The following DGKH variants were observed in gnomAD, a reference collection of about 807,000 sequenced individuals.
DGKH encodes the protein diacylglycerol kinase eta.
A neutral mutation model predicts 159.3 loss-of-function variants in DGKH; 90 were observed. That is an observed-to-expected ratio of 0.57 (90% CI 0.48 to 0.67). The LOEUF (loss-of-function observed/expected upper bound fraction) is 0.67, where lower values mean the gene tolerates loss of function less well. DGKH is among the 30% of genes least tolerant of loss of function. The pLI is 0.00. For synonymous variants in DGKH, 536 were observed against 553.8 expected (o/e 0.97, Z 0.45); for missense variants, 1,181 against 1,506.1 (o/e 0.78, Z 3.57).
intron 1 of DGKH, among the ~76,000 whole-genome samples, chr13:42,083,097 A>G (rs1328521495): frequency 6.6e-6 from 1 of 152,262 alleles, no homozygotes; most frequent in Non-Finnish European, 1.5e-5. Context: ...ATGTCAAAAC[A>G]AAAACTGTTA....
chr13:42,081,012 G>T (rs1954189490), intron 1 of DGKH, among the ~76,000 whole-genome samples: 1 of 152,046 alleles, frequency 6.6e-6, no homozygotes, highest in South Asian at 2.1e-4. Flanking sequence ...TAATTTTTAT[G>T]CTTCTTTAGC....
intron 3 of DGKH, chr13:42,138,203 C>T (rs1255383230): frequency 2.6e-6 from 2 of 755,820 alleles, no homozygotes; most frequent in Admixed American, 6.3e-5. Context: ...GCTCTCAGCT[C>T]TTGATGTTTG....
At chr13:42,173,952 TGTGTGTGCGTGC>T in intron 11 of DGKH, 96 bp from the exon 12 acceptor site, 3 of 645,944 alleles carry the variant, frequency 4.6e-6, no homozygotes, top group Non-Finnish European at 2.7e-6. Context: ...TGTGTGTGTG[TGTGTGTGCGTGC>T]GTGTGTGTGT....
chr13:42,202,363 C>G (rs1178193311), intron 20 of DGKH, among the ~76,000 whole-genome samples: 1 of 152,140 alleles, frequency 6.6e-6, no homozygotes, highest in Non-Finnish European at 1.5e-5. Context: ...TTGGGAGGCT[C>G]TTTCCAGAGA....
chr13:42,108,553 T>A (rs1954804753), intron 1 of DGKH, among the ~76,000 whole-genome samples: 2 of 152,214 alleles, frequency 1.3e-5, no homozygotes, highest in South Asian at 4.1e-4. Flanking sequence ...CAGGCCAGTG[T>A]CTTTTCTATT....
At chr13:42,152,933 G>A (rs1298577241) in intron 3 of DGKH, among the ~76,000 whole-genome samples, 1 of 152,170 alleles carries the variant, frequency 6.6e-6, no homozygotes, top group East Asian at 1.9e-4. Context: ...CCCCACGGTA[G>A]CATCTGGGGG....
In DGKH at chr13:42,229,408, A is replaced by G; in HGVS notation, c.*220A>G. On this transcript the variant is annotated 3_prime_UTR_variant, in exon 30 of 30. Coordinates refer to ENST00000337343, the MANE Select transcript of DGKH (RefSeq NM_178009.5). ...CCACAAAGCCATTTTCTTTTTGTGC[A>G]AACCTGACATGTTCAAATATATTCA... The G allele has an allele frequency of 4.2e-6, 2 of 471,224 alleles. No homozygotes were observed. The highest frequency in any genetic ancestry group is 3.7e-6 in the Non-Finnish European group (1 of 268,854). The allele number at this position is 471,224 out of a possible 1,614,324, so 29.2% of individuals were successfully genotyped here. A position where few individuals can be genotyped will look rare whatever the true frequency, so the allele number is the denominator to read the frequency against.
chr13:42,221,011 A>G (rs1957955404), intron 28 of DGKH, among the ~76,000 whole-genome samples: 1 of 152,124 alleles, frequency 6.6e-6, no homozygotes, highest in African/African-American at 2.4e-5. Context: ...GGTGGCTTTA[A>G]TGAGGAAACT....
At chr13:42,217,991 G>C (rs1197656585) in intron 26 of DGKH, among the ~76,000 whole-genome samples, 1 of 152,136 alleles carries the variant, frequency 6.6e-6, no homozygotes, top group Non-Finnish European at 1.5e-5. Flanking sequence ...CTGAGATTGC[G>C]CCATTGCACT....
intron 29 of DGKH, among the ~76,000 whole-genome samples, chr13:42,223,169 A>G (rs976781364): frequency 6.6e-6 from 1 of 152,180 alleles, no homozygotes. Flanking sequence ...ACAAAATCAT[A>G]AAGCTAGAGA....
intron 3 of DGKH, among the ~76,000 whole-genome samples, chr13:42,132,802 T>C (rs1043707170): frequency 6.6e-6 from 1 of 152,076 alleles, no homozygotes; most frequent in Non-Finnish European, 1.5e-5. Flanking sequence ...AGGAGGCTGA[T>C]TGCTTGAGGA....
chr13:42,089,458 G>T (rs1046690184), intron 1 of DGKH, among the ~76,000 whole-genome samples: 1 of 152,122 alleles, frequency 6.6e-6, no homozygotes, highest in Non-Finnish European at 1.5e-5. Flanking sequence ...TAGTTCTGGA[G>T]GTCTGAAGTC....
intron 3 of DGKH, among the ~76,000 whole-genome samples, chr13:42,153,018 G>A (rs1955954009): frequency 6.6e-6 from 1 of 151,830 alleles, no homozygotes; most frequent in South Asian, 2.1e-4. Flanking sequence ...TAATCACAAG[G>A]CCTATAAATC....
chr13:42,223,850 G>C (rs430080), intron 29 of DGKH, among the ~76,000 whole-genome samples: 103,074 of 151,846 alleles, frequency 0.68, 35,198 homozygotes, highest in East Asian at 0.88. Flanking sequence ...TCCATTGCCT[G>C]AATAACATAT....
At chr13:42,143,250 A>G (rs1955620177) in intron 3 of DGKH, among the ~76,000 whole-genome samples, 1 of 152,166 alleles carries the variant, frequency 6.6e-6, no homozygotes, top group African/African-American at 2.4e-5. Context: ...GATGAAGCCC[A>G]CTTGATCATG....
At chr13:42,056,105 A>G (rs768958468) in intron 1 of DGKH, among the ~76,000 whole-genome samples, 3 of 152,238 alleles carry the variant, frequency 2.0e-5, no homozygotes, top group Non-Finnish European at 2.9e-5. Context: ...AAACAAAAGA[A>G]ATAAAGAAAC....
intron 24 of DGKH, among the ~76,000 whole-genome samples, chr13:42,213,222 G>A (rs1443512552): frequency 2.6e-5 from 4 of 152,152 alleles, no homozygotes; most frequent in Admixed American, 6.5e-5. Flanking sequence ...GAAAGGACAA[G>A]CAAGATTAAA....
intron 3 of DGKH, chr13:42,140,568 G>A (rs761708544): frequency 1.8e-4 from 28 of 152,240 alleles, no homozygotes; most frequent in Non-Finnish European, 3.4e-4. Flanking sequence ...AGCAGCCCAA[G>A]TTCCACCAAC....
At chr13:42,246,176 G>A (rs1017686108), downstream of DGKH, among the ~76,000 whole-genome samples, 2 of 152,142 alleles carry the variant, frequency 1.3e-5, no homozygotes, top group Admixed American at 6.5e-5. Context: ...GTCTCCATAA[G>A]TTCTTGTGCC....
Sources: gnomAD v4.1 joint callset for allele counts (sites outside exome capture counted in the v4.1 genomes callset) on GRCh38, gnomAD v4.1.1 for gene constraint, MANE v1.5 for transcripts, NCBI Gene and HGNC (gene_info 2026-07-23, HGNC 2026-07-21) for gene names.